The following PHACTR1 variants were observed in gnomAD, a reference collection of about 807,000 sequenced individuals.
PHACTR1 encodes the protein RPEL repeat containing 1.
Under a neutral mutation model 69.2 loss-of-function variants are expected in PHACTR1, and 16 were observed. The observed-to-expected ratio is 0.23, with a 90% CI of 0.16 to 0.35. PHACTR1 has a LOEUF of 0.35. PHACTR1 is among the 10% of genes least tolerant of loss of function. The pLI, the probability that PHACTR1 is intolerant of heterozygous loss-of-function variation, is 1.00. For synonymous variants in PHACTR1, 312 were observed against 284.5 expected (o/e 1.10, Z -0.97); for missense variants, 510 against 734.7 (o/e 0.69, Z 3.54).
At chr6:12,821,517 A>G (rs975681703) in intron 4 of PHACTR1, among the ~76,000 whole-genome samples, 5 of 149,060 alleles carry the variant, frequency 3.4e-5, no homozygotes, top group African/African-American at 4.9e-5. Flanking sequence ...TTAAGCATCA[A>G]TGAGTGTGGC....
intron 4 of PHACTR1, among the ~76,000 whole-genome samples, chr6:13,042,897 C>G (rs966431630): frequency 6.6e-6 from 1 of 152,196 alleles, no homozygotes; most frequent in African/African-American, 2.4e-5. Flanking sequence ...TAAGGTCACA[C>G]AGTGAATTTG....
chr6:13,017,145 C>A (rs189281430), intron 4 of PHACTR1, among the ~76,000 whole-genome samples: 6 of 134,646 alleles, frequency 4.5e-5, no homozygotes, highest in African/African-American at 1.5e-4. Context: ...AAGATTGCGC[C>A]ATTGCACTCC....
chr6:12,848,084 T>C (rs1488865448), intron 4 of PHACTR1, among the ~76,000 whole-genome samples: 1 of 152,204 alleles, frequency 6.6e-6, no homozygotes, highest in Non-Finnish European at 1.5e-5. Flanking sequence ...AAATAAATGA[T>C]TCATGATAAC....
intron 6 of PHACTR1, among the ~76,000 whole-genome samples, 182 bp downstream of exon 6, chr6:13,160,466 A>T (rs1758828019): frequency 6.6e-6 from 1 of 152,236 alleles, no homozygotes; most frequent in Non-Finnish European, 1.5e-5. Context: ...TGTCAGCATC[A>T]TATGAGACGA....
At chr6:13,138,916 T>C (rs557807377) in intron 5 of PHACTR1, among the ~76,000 whole-genome samples, 2 of 152,354 alleles carry the variant, frequency 1.3e-5, no homozygotes, top group South Asian at 4.1e-4. Flanking sequence ...TTAAATATGA[T>C]CTTGCAAGGA....
intron 8 of PHACTR1, among the ~76,000 whole-genome samples, chr6:13,220,629 A>G (rs575787295): frequency 9.1e-4 from 139 of 152,198 alleles, no homozygotes; most frequent in Non-Finnish European, 1.5e-3. Context: ...TCTTGCTTGC[A>G]TAGATCTCTG....
chr6:12,998,497 T>C (rs1159471316), intron 4 of PHACTR1, among the ~76,000 whole-genome samples: 3 of 150,478 alleles, frequency 2.0e-5, no homozygotes, highest in Admixed American at 2.0e-4. Flanking sequence ...ACACCTCTGG[T>C]CCCCACTTAC....
intron 4 of PHACTR1, among the ~76,000 whole-genome samples, chr6:12,802,254 C>T (rs1262447696): frequency 6.7e-6 from 1 of 149,060 alleles, no homozygotes; most frequent in African/African-American, 2.5e-5. Flanking sequence ...TTTCTTTTTC[C>T]AACATAATAA....
chr6:12,942,427 ATGT>A (rs1790152394), intron 4 of PHACTR1, among the ~76,000 whole-genome samples: 1 of 152,188 alleles, frequency 6.6e-6, no homozygotes, highest in Non-Finnish European at 1.5e-5. Context: ...CCACAACTTC[ATGT>A]TGTAGTTAGA....
At chr6:12,779,202 G>A (rs999217342) in intron 4 of PHACTR1, among the ~76,000 whole-genome samples, 3 of 152,260 alleles carry the variant, frequency 2.0e-5, no homozygotes, top group East Asian at 3.9e-4. Flanking sequence ...GGGTGTGGTA[G>A]CACATGCCTG....
At chr6:12,918,149 C>G (rs1787219439) in intron 4 of PHACTR1, among the ~76,000 whole-genome samples, 1 of 152,166 alleles carries the variant, frequency 6.6e-6, no homozygotes, top group South Asian at 2.1e-4. Context: ...ATAAGTCATT[C>G]CAGGTAACCA....
At chr6:13,059,558 G>T (rs1385719583) in intron 5 of PHACTR1, among the ~76,000 whole-genome samples, 1 of 151,906 alleles carries the variant, frequency 6.6e-6, no homozygotes, top group Admixed American at 6.6e-5. Flanking sequence ...CCTTGATTGT[G>T]GTGATGATAT....
In PHACTR1 at chr6:13,192,040, T is replaced by C. The variant is rs897028069; in HGVS notation, c.664+9354T>C. Among the ~76,000 whole-genome samples, 7 of 152,156 alleles carry C rather than the reference T, an allele frequency of 4.6e-5. No individual in the cohort carries two copies. The South Asian group carries it at 1.2e-3, about 27-fold the overall frequency. On this transcript the variant is annotated intron_variant, in intron 7 of 14. Coordinates refer to ENST00000332995, the MANE Select transcript of PHACTR1 (RefSeq NM_030948.6). ...CTGTCTTTTTTGTAGCACTGTTAGG[T>C]TGGAGATTTAATTCACTCAGCACTT...
chr6:13,206,965 A>C (rs1264233572), intron 8 of PHACTR1, among the ~76,000 whole-genome samples: 1 of 152,170 alleles, frequency 6.6e-6, no homozygotes, highest in Non-Finnish European at 1.5e-5. Context: ...TTATGGCAAA[A>C]TGACATTGAA....
intron 7 of PHACTR1, among the ~76,000 whole-genome samples, chr6:13,199,728 G>A (rs1764949580): frequency 6.6e-6 from 1 of 151,862 alleles, no homozygotes; most frequent in Non-Finnish European, 1.5e-5. Context: ...TTAAAGTTTA[G>A]ACAAGATATA....
chr6:13,247,105 ATC>A (rs765584321), intron 10 of PHACTR1, among the ~76,000 whole-genome samples: 1 of 152,164 alleles, frequency 6.6e-6, no homozygotes, highest in Non-Finnish European at 1.5e-5. Context: ...TGAAAATTTG[ATC>A]TTCTGTGCCC....
At chr6:13,189,060 A>G (rs1763167160) in intron 7 of PHACTR1, among the ~76,000 whole-genome samples, 1 of 152,266 alleles carries the variant, frequency 6.6e-6, no homozygotes, top group Non-Finnish European at 1.5e-5. Context: ...CGCTGCATGA[A>G]TAACCTATGC....
chr6:12,961,266 A>C (rs1792686101), intron 4 of PHACTR1, among the ~76,000 whole-genome samples: 1 of 152,254 alleles, frequency 6.6e-6, no homozygotes, highest in Non-Finnish European at 1.5e-5. Context: ...ATCCAACAGA[A>C]TACAGAAAGA....
At position 13,230,042 on chromosome 6, in the gene PHACTR1, C is replaced by T. The variant is rs1013256414; in HGVS notation, c.1240C>T (p.Leu414=). ...CTCATTTCTGTCTCCTACAGGCTCCCTGGCCATGAAGGTCTGCAGGAAGGA... is the reference window on the plus strand; with the variant it reads ...CTCATTTCTGTCTCCTACAGGCTCCTTGGCCATGAAGGTCTGCAGGAAGGA... ...DDDSSLYTSS[L]AMKVCRKDSL... is the part of the protein sequence containing the mutation. The change falls in exon 10 of 15, where the codon CTG becomes TTG. Residue 414 remains leucine, a synonymous_variant. Transcript: ENST00000332995. The T allele has an allele frequency of 3.1e-6, 5 of 1,608,472 alleles. No homozygotes were observed. Among genetic ancestry groups the T allele is most frequent in the Non-Finnish European group, 3.4e-6 (4 of 1,177,408 alleles).
Sources: allele counts gnomAD v4.1 joint callset (sites outside exome capture counted in the v4.1 genomes callset), GRCh38; gene constraint gnomAD v4.1.1; transcripts MANE v1.5; gene names NCBI Gene and HGNC (gene_info 2026-07-23, HGNC 2026-07-21).